Variants in PCDH7 observed in about 807,000 individuals in gnomAD.
The protein encoded by PCDH7 is protocadherin 7.
PCDH7 carries 17 observed loss-of-function variants against 58.9 expected under a neutral mutation model. The ratio of observed to expected loss-of-function variants is 0.29; its 90% confidence interval spans 0.20 to 0.43. The LOEUF (loss-of-function observed/expected upper bound fraction) is 0.43, where lower values mean the gene tolerates loss of function less well. PCDH7 is among the 20% of genes least tolerant of loss of function. The pLI is 1.00. For synonymous variants in PCDH7, 664 were observed against 616.4 expected, an observed-to-expected ratio of 1.08 and a Z score of -1.14; for missense variants, 1,274 against 1,441.0, an observed-to-expected ratio of 0.88 and a Z score of 1.88.
At chr4:30,877,122 A>G (rs2109366904) in intron 1 of PCDH7, among the ~76,000 whole-genome samples, 1 of 152,278 alleles carries the variant, frequency 6.6e-6, no homozygotes, top group East Asian at 1.9e-4. Flanking sequence ...AGTGAATATT[A>G]AAAGAAAAAA....
intron 3 of PCDH7, among the ~76,000 whole-genome samples, chr4:31,110,886 G>A (rs748758269): frequency 2.6e-4 from 39 of 150,314 alleles, no homozygotes; most frequent in Non-Finnish European, 4.3e-4. Context: ...CTGCACTTCC[G>A]CCTGGATGAC....
chr4:30,910,667 G>C (rs970927638), intron 1 of PCDH7, among the ~76,000 whole-genome samples: 1 of 152,146 alleles, frequency 6.6e-6, no homozygotes, highest in African/African-American at 2.4e-5. Flanking sequence ...AACAGATGCT[G>C]GAGAGGATGT....
intron 1 of PCDH7, among the ~76,000 whole-genome samples, chr4:30,852,804 T>G (rs1732930811): frequency 9.3e-6 from 1 of 107,116 alleles, no homozygotes. Context: ...GAACCAGAAC[T>G]CAAACTCAGG....
intron 1 of PCDH7, chr4:30,793,949 A>G (rs1483368364): frequency 1.3e-5 from 2 of 152,200 alleles, no homozygotes; most frequent in African/African-American, 4.8e-5. Flanking sequence ...GAGTGTCACA[A>G]TGGAACTCTG....
intron 3 of PCDH7, among the ~76,000 whole-genome samples, chr4:30,975,978 T>A (rs1226042474): frequency 6.6e-6 from 1 of 152,168 alleles, no homozygotes; most frequent in African/African-American, 2.4e-5. Flanking sequence ...TTTGAAAGAA[T>A]CTGCAGCCCT....
chr4:30,936,559 C>T (rs1444878179), intron 2 of PCDH7, among the ~76,000 whole-genome samples: 2 of 151,946 alleles, frequency 1.3e-5, no homozygotes, highest in South Asian at 2.1e-4. Context: ...TGTTTAAGGC[C>T]GGCAATAAAC....
intron 3 of PCDH7, among the ~76,000 whole-genome samples, chr4:30,974,226 TTC>T (rs1749858751): frequency 7.2e-6 from 1 of 139,462 alleles, no homozygotes; most frequent in South Asian, 2.2e-4. Flanking sequence ...TTCTCTTTCT[TTC>T]TTTCTTTTTC....
rs1391678990 is a variant in PCDH7 at position 31,138,385 on chromosome 4, C to T, written c.*8-4088C>T. Among the ~76,000 whole-genome samples the T allele has an allele frequency of 3.3e-5, 5 of 152,116 alleles. No homozygotes were observed. In the East Asian group the frequency reaches 7.7e-4, roughly 23 times the overall value. ...ATTTGTGACTCTGTGACATCTATTT[C>T]CTGTGCTACTCAGATTTTTTTTTCT... On this transcript the variant is annotated intron_variant, in intron 3 of 3. Coordinates refer to the PCDH7 transcript ENST00000509759.
At chr4:30,875,566 T>C (rs1323226637) in intron 1 of PCDH7, among the ~76,000 whole-genome samples, 1 of 152,042 alleles carries the variant, frequency 6.6e-6, no homozygotes, top group Non-Finnish European at 1.5e-5. Flanking sequence ...ATCCTAAAAT[T>C]TTCAAACACT....
chr4:30,968,319 C>CACACTATA lies in PCDH7; in HGVS notation c.*7+18104_*7+18105insACACTATA, dbSNP rs369540529. On this transcript the variant is annotated intron_variant, in intron 3 of 3. Coordinates refer to the PCDH7 transcript ENST00000509759. ...CTCTCTCTCTATATATATATATACA[C>CACACTATA]TATATATATATATACACACACTATA... Among the ~76,000 whole-genome samples the CACACTATA allele has an allele frequency of 3.9e-3, 320 of 82,556 alleles. 16 individuals are homozygous for CACACTATA. The highest frequency in any genetic ancestry group is 0.015 in the African/African-American group (256 of 16,696). The allele number at this position is 82,556 out of a possible 152,430, so 54.2% of individuals were successfully genotyped here. A position where few individuals can be genotyped will look rare whatever the true frequency, so the allele number is the denominator to read the frequency against.
At chr4:31,034,403 A>T (rs1755212421) in intron 3 of PCDH7, among the ~76,000 whole-genome samples, 1 of 152,236 alleles carries the variant, frequency 6.6e-6, no homozygotes, top group Non-Finnish European at 1.5e-5. Context: ...AACAATAATT[A>T]CGATATAAAC....
chr4:31,121,167 C>T (rs1163500229), intron 3 of PCDH7, among the ~76,000 whole-genome samples: 2 of 152,118 alleles, frequency 1.3e-5, no homozygotes, highest in Non-Finnish European at 2.9e-5. Context: ...ATCCTTTGCA[C>T]ATTGTCTTCA....
rs553461187 is a variant in PCDH7, at chr4:31,138,002, G to T, written c.*8-4471G>T. Among the ~76,000 whole-genome samples the T allele has an allele frequency of 7.2e-5, 11 of 152,182 alleles. 2 individuals carry two copies. Among genetic ancestry groups the T allele is most frequent in the African/African-American group, 2.4e-4 (10 of 41,546 alleles). On this transcript the variant is annotated intron_variant, in intron 3 of 3. Coordinates refer to the PCDH7 transcript ENST00000509759. ...CTCAGCATACTTAAAATCCTTCCTG[G>T]TGCAGAACTGTCTTCAAGTCTTAAT...
chr4:30,818,535 C>T (rs1279796929), intron 1 of PCDH7, among the ~76,000 whole-genome samples: 2 of 152,120 alleles, frequency 1.3e-5, no homozygotes, highest in African/African-American at 4.8e-5. Context: ...GAGAATCTAA[C>T]AATTCCAATG....
At chr4:31,130,512 G>A (rs182247462) in intron 3 of PCDH7, among the ~76,000 whole-genome samples, 1,848 of 152,270 alleles carry the variant, frequency 0.012, 19 homozygotes, top group Middle Eastern at 0.024. Flanking sequence ...TGCAACCAGA[G>A]AATTGGGAAT....
intron 2 of PCDH7, among the ~76,000 whole-genome samples, chr4:30,923,867 T>A (rs1743500258): frequency 6.6e-6 from 1 of 152,140 alleles, no homozygotes; most frequent in African/African-American, 2.4e-5. Flanking sequence ...CATTTAGCAA[T>A]AAAGTAATAA....
At chr4:30,993,822 A>G (rs1246185643) in intron 3 of PCDH7, among the ~76,000 whole-genome samples, 2 of 152,138 alleles carry the variant, frequency 1.3e-5, no homozygotes, top group Non-Finnish European at 2.9e-5. Context: ...TTATATGAAG[A>G]TTGTAATGAA....
intron 3 of PCDH7, among the ~76,000 whole-genome samples, chr4:31,135,803 T>C (rs1257408871): frequency 1.3e-5 from 2 of 152,208 alleles, no homozygotes; most frequent in African/African-American, 4.8e-5. Flanking sequence ...CTTGCATTAA[T>C]TCATATCAGG....
chr4:30,775,134 GTGT>G (rs1454984620), intron 1 of PCDH7, among the ~76,000 whole-genome samples: 1 of 152,156 alleles, frequency 6.6e-6, no homozygotes, highest in Non-Finnish European at 1.5e-5. Flanking sequence ...TGATTTTGTG[GTGT>G]TAAAGGGTGA....
Sources: gnomAD v4.1 joint callset for allele counts (sites outside exome capture counted in the v4.1 genomes callset) on GRCh38, gnomAD v4.1.1 for gene constraint, MANE v1.5 for transcripts, NCBI Gene and HGNC (gene_info 2026-07-23, HGNC 2026-07-21) for gene names.